Variants in ADGRL3 observed in about 807,000 individuals in gnomAD.
ADGRL3 encodes the protein calcium-independent alpha-latrotoxin receptor 3.
A neutral mutation model predicts 153.5 loss-of-function variants in ADGRL3; 62 were observed. That is an observed-to-expected ratio of 0.40 (90% CI 0.33 to 0.50). The LOEUF is 0.50. Among genes scored for constraint, ADGRL3 ranks in the 20% least tolerant of loss-of-function variants. ADGRL3 has a pLI of 0.47. For synonymous variants in ADGRL3, 710 were observed against 672.5 expected, an observed-to-expected ratio of 1.06 and a Z score of -0.86; for missense variants, 1,641 against 1,859.4, an observed-to-expected ratio of 0.88 and a Z score of 2.16.
intron 5 of ADGRL3, among the ~76,000 whole-genome samples, chr4:61,615,846 C>A (rs1168130441): frequency 6.6e-6 from 1 of 151,954 alleles, no homozygotes; most frequent in African/African-American, 2.4e-5. Context: ...ATTTATTAGT[C>A]TGATTTACTG....
intron 3 of ADGRL3, among the ~76,000 whole-genome samples, chr4:61,501,698 G>T (rs2098388734): frequency 6.6e-6 from 1 of 152,066 alleles, no homozygotes; most frequent in African/African-American, 2.4e-5. Flanking sequence ...ATCTCTACAT[G>T]AACAAAATCA....
chr4:61,613,869 G>C (rs1465175720), intron 5 of ADGRL3, among the ~76,000 whole-genome samples: 2 of 152,140 alleles, frequency 1.3e-5, no homozygotes, highest in African/African-American at 4.8e-5. Flanking sequence ...CAATGGAATA[G>C]CAGTGCTGCA....
intron 4 of ADGRL3, among the ~76,000 whole-genome samples, chr4:61,583,205 T>C (rs185001444): frequency 2.8e-4 from 43 of 152,128 alleles, no homozygotes; most frequent in Admixed American, 3.9e-4. Context: ...TAGGGTTACC[T>C]TGGCAAGTCT....
At chr4:61,372,902 C>G (rs1441728846) in intron 1 of ADGRL3, among the ~76,000 whole-genome samples, 1 of 152,158 alleles carries the variant, frequency 6.6e-6, no homozygotes, top group Admixed American at 6.6e-5. Flanking sequence ...CAGGACCCTC[C>G]GAGCCAGGTG....
At chr4:61,527,187 T>C (rs1432474980) in intron 4 of ADGRL3, among the ~76,000 whole-genome samples, 1 of 152,050 alleles carries the variant, frequency 6.6e-6, no homozygotes, top group Non-Finnish European at 1.5e-5. Flanking sequence ...TTCTTATAAA[T>C]GTATTTCCAT....
rs370597273 is a variant in ADGRL3 at position 62,031,490 on chromosome 4, C to T, written c.3471C>T (p.Thr1157=). 14 of 1,610,718 alleles carry T rather than the reference C, an allele frequency of 8.7e-6. No individual in the cohort carries two copies. The highest frequency in any genetic ancestry group is 2.7e-5 in the African/African-American group (2 of 74,740). Residue 1157 remains threonine (T), a synonymous_variant, in exon 23 of 27, where the codon ACC becomes ACT. Transcript: ENST00000683033. ...CTCTTCTCTGCCTATTAGGATTGACCTGGGCCTTTGGACTCATGTATATTA... is the reference window on the plus strand; with the variant it reads ...CTCTTCTCTGCCTATTAGGATTGACTTGGGCCTTTGGACTCATGTATATTA... ...AIALLCLLGL[T]WAFGLMYINE...
At chr4:62,030,029 T>C (rs1721109179) in intron 22 of ADGRL3, among the ~76,000 whole-genome samples, 1 of 151,656 alleles carries the variant, frequency 6.6e-6, no homozygotes, top group Non-Finnish European at 1.5e-5. Context: ...CCCTTAGAGA[T>C]TTTTTATTCA....
chr4:61,419,546 A>G (rs2097178689), intron 2 of ADGRL3, among the ~76,000 whole-genome samples: 1 of 152,056 alleles, frequency 6.6e-6, no homozygotes, highest in Non-Finnish European at 1.5e-5. Flanking sequence ...AACATACTTA[A>G]TTTGGGATAT....
chr4:61,877,344 C>CTAT, intron 9 of ADGRL3, among the ~76,000 whole-genome samples: 1 of 152,246 alleles, frequency 6.6e-6, no homozygotes, highest in East Asian at 1.9e-4. Context: ...AACAGTGAAA[C>CTAT]TATAGAGTTG....
At chr4:61,593,244 A>T (rs1185921305) in intron 5 of ADGRL3, among the ~76,000 whole-genome samples, 1 of 151,702 alleles carries the variant, frequency 6.6e-6, no homozygotes, top group African/African-American at 2.4e-5. Flanking sequence ...TTTTTGATTG[A>T]TTCATCATTT....
intron 1 of ADGRL3, among the ~76,000 whole-genome samples, chr4:61,361,346 C>T (rs2096279192): frequency 6.6e-6 from 1 of 152,108 alleles, no homozygotes. Flanking sequence ...GAGAGGGAAG[C>T]TTTGATTTGT....
intron 3 of ADGRL3, among the ~76,000 whole-genome samples, chr4:61,507,910 G>T (rs1014619949): frequency 6.6e-6 from 1 of 152,096 alleles, no homozygotes; most frequent in African/African-American, 2.4e-5. Flanking sequence ...TAGTTGTAAA[G>T]ATTTTTAAAG....
At chr4:61,752,464 T>C (rs1239294349) in intron 8 of ADGRL3, among the ~76,000 whole-genome samples, 4 of 151,712 alleles carry the variant, frequency 2.6e-5, no homozygotes, top group Non-Finnish European at 5.9e-5. Context: ...ACTGGAGAAA[T>C]GTTGGCAAGT....
intron 1 of ADGRL3, among the ~76,000 whole-genome samples, chr4:61,345,323 A>G (rs1175899733): frequency 2.0e-5 from 3 of 152,008 alleles, no homozygotes; most frequent in Non-Finnish European, 2.9e-5. Context: ...CAGTAGTGCA[A>G]TTTTTCAACT....
intron 6 of ADGRL3, among the ~76,000 whole-genome samples, chr4:61,678,493 C>G (rs1009411812): frequency 2.0e-5 from 3 of 151,900 alleles, no homozygotes; most frequent in African/African-American, 7.2e-5. Flanking sequence ...CTCTGCCAAA[C>G]TCATTCTGAA....
Position 61,259,438 on chromosome 4 carries a change from A to G in ADGRL3, c.-240+57673A>G, listed in dbSNP as rs907796606. Among the ~76,000 whole-genome samples, 6 of 150,484 alleles carry G rather than the reference A, an allele frequency of 4.0e-5. No homozygotes were observed. The East Asian group carries it at 1.2e-3, about 29-fold the overall frequency. On this transcript the variant is annotated intron_variant, in intron 1 of 26. Transcript: ENST00000683033. ...ACTCTGTCTCAAAATAAATAAATAAATAAATAAATAAATAAATAAATAAAT... is the reference window on the plus strand; with the variant it reads ...ACTCTGTCTCAAAATAAATAAATAAGTAAATAAATAAATAAATAAATAAAT...
chr4:61,471,802 AAC>A (rs1160188272), intron 2 of ADGRL3, among the ~76,000 whole-genome samples: 1 of 152,036 alleles, frequency 6.6e-6, no homozygotes, highest in South Asian at 2.1e-4. Flanking sequence ...GGTATTATTG[AAC>A]AGAGTTTTTC....
intron 1 of ADGRL3, among the ~76,000 whole-genome samples, chr4:61,334,227 T>A (rs968085133): frequency 5.3e-5 from 8 of 152,196 alleles, no homozygotes; most frequent in African/African-American, 1.4e-4. Flanking sequence ...AACATTTTTT[T>A]TAAATGCTTT....
chr4:61,919,083 G>A (rs529826287), intron 13 of ADGRL3, among the ~76,000 whole-genome samples: 12 of 152,252 alleles, frequency 7.9e-5, no homozygotes, highest in Admixed American at 2.0e-4. Flanking sequence ...TGATTTGTGC[G>A]TTGCTTGACT....
Sources: allele counts gnomAD v4.1 joint callset (sites outside exome capture counted in the v4.1 genomes callset), GRCh38; gene constraint gnomAD v4.1.1; transcripts MANE v1.5; gene names NCBI Gene and HGNC (gene_info 2026-07-23, HGNC 2026-07-21).